Variants in MYO19 observed in about 807,000 individuals in gnomAD.
MYO19 encodes the protein myosin XIX, also known as unconventional myosin-XIX.
In MYO19, 132 loss-of-function variants were observed where a neutral mutation model predicts 129.2. The ratio of observed to expected loss-of-function variants is 1.02; its 90% CI spans 0.89 to 1.18. The LOEUF (loss-of-function observed/expected upper bound fraction) is 1.18. MYO19 is among the 50% of genes most tolerant of loss of function. The pLI is 0.00. For synonymous variants in MYO19, 531 were observed against 477.2 expected, an observed-to-expected ratio of 1.11 and a Z score of -1.47; for missense variants, 1,210 against 1,216.7, an observed-to-expected ratio of 0.99 and a Z score of 0.08.
upstream of MYO19, chr17:36,538,476 A>T (rs1357742571): frequency 1.2e-6 from 2 of 1,614,038 alleles, no homozygotes; most frequent in African/African-American, 2.7e-5. Context: ...AAATATAACA[A>T]CTGGCCTGAT....
upstream of MYO19, chr17:36,538,760 A>T (rs573322152): frequency 6.9e-3 from 4,144 of 604,120 alleles, 9 homozygotes; most frequent in Non-Finnish European, 9.0e-3. Context: ...ATGCTTAATT[A>T]TTTTTTTTTT....
intron 11 of MYO19, among the ~76,000 whole-genome samples, chr17:36,512,290 G>A (rs553827061): frequency 1.3e-5 from 2 of 150,976 alleles, no homozygotes; most frequent in Non-Finnish European, 2.9e-5. Flanking sequence ...CTCGGAGGCT[G>A]AGGTAGGAGA....
At chr17:36,507,213 T>G (rs1487857092) in intron 16 of MYO19, 74 bp from the exon 17 acceptor site, 2 of 1,549,466 alleles carry the variant, frequency 1.3e-6, no homozygotes, top group Non-Finnish European at 1.8e-6. Context: ...CCCCACCCTG[T>G]GGACCCCATG....
intron 23 of MYO19, 59 bp downstream of exon 23, chr17:36,500,771 A>G: frequency 1.9e-6 from 3 of 1,558,114 alleles, no homozygotes; most frequent in Non-Finnish European, 2.6e-6. Flanking sequence ...TATGTTTCAA[A>G]GGAAACCAAC....
At chr17:36,528,510 CAA>C (rs948278898) in intron 3 of MYO19, among the ~76,000 whole-genome samples, 2 of 106,530 alleles carry the variant, frequency 1.9e-5, no homozygotes, top group Non-Finnish European at 4.2e-5. Context: ...GACTCTGTCT[CAA>C]AAAAAAAAAA....
chr17:36,498,643 A>C, intron 24 of MYO19, 84 bp from the exon 25 acceptor site: 1 of 1,428,744 alleles, frequency 7.0e-7, no homozygotes, highest in Non-Finnish European at 9.3e-7. Context: ...TCTTTAACAA[A>C]TCATCTTAAC....
chr17:36,529,208 G>A (rs1944376531), intron 3 of MYO19, among the ~76,000 whole-genome samples: 1 of 151,786 alleles, frequency 6.6e-6, no homozygotes, highest in African/African-American at 2.4e-5. Context: ...TACCCAGGCT[G>A]CAGTGCAGTG....
At chr17:36,540,372 CT>C (rs532388058) in intron 2 of MYO19, among the ~76,000 whole-genome samples, 6,804 of 138,612 alleles carry the variant, frequency 0.049, 185 homozygotes, top group East Asian at 0.1. Flanking sequence ...ATTCTACTGT[CT>C]TTTTTTTTTT....
At chr17:36,503,230 A>G in intron 20 of MYO19, 30 bp from the exon 21 acceptor site, 1 of 1,542,918 alleles carries the variant, frequency 6.5e-7, no homozygotes, top group African/African-American at 1.4e-5. Flanking sequence ...GAAGTAGAGA[A>G]TTACTTCATC....
At chr17:36,501,748 A>G (rs146958726) in intron 21 of MYO19, 8 of 152,512 alleles carry the variant, frequency 5.2e-5, no homozygotes, top group African/African-American at 1.9e-4. Context: ...AAAAGAATAA[A>G]TTAAAAAATA....
At chr17:36,498,901 C>T in intron 24 of MYO19, 174 bp downstream of exon 24, 1 of 605,566 alleles carries the variant, frequency 1.7e-6, no homozygotes, top group Non-Finnish European at 2.9e-6. Context: ...AACCACCCTG[C>T]AGGGTAGGTG....
At chr17:36,538,726 G>A, upstream of MYO19, 1 of 934,040 alleles carries the variant, frequency 1.1e-6, no homozygotes, top group Non-Finnish European at 1.6e-6. Context: ...TTATAAAATA[G>A]TTTCAGTCAT....
Position 36,513,652 on chromosome 17 carries a change from G to A in MYO19, c.794C>T (p.Pro265Leu). ...LPEGAAFSWL[P>L]NPERSLEEDC... ...ACCTTCTAAGCTCCTCTCTGGGTTGGGCAGCCAGGAGAAGGCAGCTCCCTC... is the reference window on the plus strand; with the variant it reads ...ACCTTCTAAGCTCCTCTCTGGGTTGAGCAGCCAGGAGAAGGCAGCTCCCTC... The change falls in exon 10 of 26, where the codon CCC becomes CTC. Residue 265 changes from proline to leucine, a missense_variant. Coordinates refer to ENST00000614623, the MANE Select transcript of MYO19 (RefSeq NM_001163735.2). The A allele has an allele frequency of 6.2e-7, 1 of 1,613,966 alleles. No homozygotes were observed. Among genetic ancestry groups the A allele is most frequent in the Non-Finnish European group, 8.5e-7 (1 of 1,179,892 alleles).
chr17:36,535,039 G>C (rs2074053382), upstream of MYO19: 1 of 152,348 alleles, frequency 6.6e-6, no homozygotes, highest in Non-Finnish European at 1.5e-5. Context: ...GGTCCGGCTT[G>C]CTGGCTTCAA....
chr17:36,510,995 C>G lies in MYO19; in HGVS notation c.986-78G>C. ...ACGAGGCACTGTGAAGTCATCACAGCGGGACCATGACTTGCCCAACTGGAC... is the reference window on the plus strand; with the variant it reads ...ACGAGGCACTGTGAAGTCATCACAGGGGGACCATGACTTGCCCAACTGGAC... On this transcript the variant is annotated intron_variant, in intron 12 of 25. Coordinates refer to ENST00000614623, the MANE Select transcript of MYO19 (RefSeq NM_001163735.2). The G allele has an allele frequency of 2.1e-6, 3 of 1,456,336 alleles. No individual in the cohort carries two copies. The African/African-American group carries it at 4.2e-5, about 20-fold the overall frequency. 90.2% of individuals were successfully genotyped at this position (1,456,336 alleles called of 1,614,324 possible).
chr17:36,499,658 T>TTC (rs1792207062), intron 23 of MYO19: 10 of 139,766 alleles, frequency 7.2e-5, no homozygotes, highest in African/African-American at 2.5e-4. Context: ...CTTTTTCTTT[T>TTC]TGTTTCTTTT....
chr17:36,527,735 AAT>A, intron 4 of MYO19, 36 bp from the exon 5 acceptor site: 2 of 1,591,114 alleles, frequency 1.3e-6, no homozygotes, highest in Non-Finnish European at 1.7e-6. Context: ...CTCGGGCTCA[AAT>A]ATAGTCAAAC....
intron 14 of MYO19, 24 bp downstream of exon 14, chr17:36,509,037 TC>T: frequency 1.1e-5 from 17 of 1,607,920 alleles, no homozygotes; most frequent in Non-Finnish European, 1.4e-5. Flanking sequence ...TCTGGAGTGC[TC>T]CCAGCACAGT....
intron 17 of MYO19, 98 bp downstream of exon 17, chr17:36,506,865 G>T (rs1006579994): frequency 2.9e-6 from 4 of 1,372,342 alleles, no homozygotes; most frequent in Middle Eastern, 1.8e-4. Context: ...GGAGGTTCAG[G>T]AGAGAAAGGA....
Sources: allele counts gnomAD v4.1 joint callset (sites outside exome capture counted in the v4.1 genomes callset), GRCh38; gene constraint gnomAD v4.1.1; transcripts MANE v1.5; gene names NCBI Gene and HGNC (gene_info 2026-07-23, HGNC 2026-07-21).